ZDHHC20: variants seen among roughly 807,000 people sequenced by gnomAD.
ZDHHC20 encodes palmitoyltransferase ZDHHC20.
A neutral mutation model predicts 57.8 loss-of-function variants in ZDHHC20; 43 were observed. The observed-to-expected ratio is 0.74, with a 90% CI of 0.58 to 0.96. The LOEUF (loss-of-function observed/expected upper bound fraction) is 0.96. ZDHHC20 is among the 40% of genes least tolerant of loss of function. The pLI is 0.00. For missense variants in ZDHHC20, 391 were observed against 441.1 expected (o/e 0.89, Z 1.02); for synonymous variants, 157 against 153.0 (o/e 1.03, Z -0.19).
chr13:21,377,408 C>T (rs1872343077), intron 12 of ZDHHC20, among the ~76,000 whole-genome samples: 3 of 130,488 alleles, frequency 2.3e-5, no homozygotes, highest in Non-Finnish European at 4.7e-5. Context: ...TGACTCTGCC[C>T]GACGTGACCT....
At chr13:21,412,991 A>C (rs1252535228) in intron 4 of ZDHHC20, among the ~76,000 whole-genome samples, 3 of 136,478 alleles carry the variant, frequency 2.2e-5, no homozygotes, top group Non-Finnish European at 4.8e-5. Flanking sequence ...AAAAAAAAAA[A>C]CAATTTCCCA....
intron 1 of ZDHHC20, among the ~76,000 whole-genome samples, chr13:21,447,867 AG>A (rs1883928603): frequency 9.2e-6 from 1 of 109,210 alleles, no homozygotes. Context: ...CATCACATCT[AG>A]GAAGTGAGGA....
intron 3 of ZDHHC20, among the ~76,000 whole-genome samples, chr13:21,417,011 C>T (rs1229030238): frequency 1.3e-5 from 2 of 152,180 alleles, no homozygotes; most frequent in Non-Finnish European, 2.9e-5. Context: ...CTCTTCCTCA[C>T]CATTTCTTCA....
intron 1 of ZDHHC20, among the ~76,000 whole-genome samples, chr13:21,437,332 G>A (rs949302938): frequency 5.9e-5 from 9 of 152,212 alleles, no homozygotes; most frequent in Non-Finnish European, 1.0e-4. Flanking sequence ...AATTGATGAA[G>A]GTAGCTATAT....
intron 1 of ZDHHC20, among the ~76,000 whole-genome samples, chr13:21,451,156 G>A (rs970603205): frequency 1.3e-5 from 2 of 152,014 alleles, no homozygotes; most frequent in East Asian, 1.9e-4. Context: ...AAACCATGTC[G>A]GCATAATTTC....
chr13:21,378,765 T>TTA, intron 11 of ZDHHC20, 27 bp from the exon 12 acceptor site: 1 of 997,724 alleles, frequency 1.0e-6, no homozygotes, highest in East Asian at 3.1e-5. Flanking sequence ...ATATATGACA[T>TTA]GACAAAAAAA....
rs560202041 is a variant in ZDHHC20 at position 21,384,817 on chromosome 13, T to C, written c.855-1808A>G. Among the ~76,000 whole-genome samples the C allele has an allele frequency of 2.6e-5, 4 of 152,228 alleles. No individual in the cohort carries two copies. The East Asian group carries it at 7.7e-4, about 29-fold the overall frequency. Reference sequence around the variant, plus strand: ...AACGTAATAAAGCTTAAAACAAGCCTCAGGCCAAGTGCAGTAGTAATGCCT... The same window carrying C: ...AACGTAATAAAGCTTAAAACAAGCCCCAGGCCAAGTGCAGTAGTAATGCCT... On this transcript the variant is annotated intron_variant, in intron 9 of 12. Transcript: ENST00000400590.
intron 1 of ZDHHC20, among the ~76,000 whole-genome samples, chr13:21,448,299 G>A (rs1236390921): frequency 1.4e-4 from 11 of 80,190 alleles, no homozygotes; most frequent in Non-Finnish European, 2.1e-4. Context: ...CCGGCCAGCC[G>A]CCCCGTCCGG....
At chr13:21,394,624 A>G (rs1422460492) in intron 7 of ZDHHC20, among the ~76,000 whole-genome samples, 2 of 152,230 alleles carry the variant, frequency 1.3e-5, no homozygotes, top group Admixed American at 1.3e-4. Context: ...AATTAATCCA[A>G]AAAAGTTATT....
At chr13:21,407,441 GTC>G (rs1260390949) in intron 4 of ZDHHC20, among the ~76,000 whole-genome samples, 2 of 152,178 alleles carry the variant, frequency 1.3e-5, no homozygotes, top group Non-Finnish European at 2.9e-5. Flanking sequence ...TTTGAAAAGT[GTC>G]TGTTCATACC....
At chr13:21,444,453 GATT>G (rs1292329232) in intron 1 of ZDHHC20, among the ~76,000 whole-genome samples, 1 of 152,078 alleles carries the variant, frequency 6.6e-6, no homozygotes, top group Non-Finnish European at 1.5e-5. Context: ...TCTTCATTCA[GATT>G]ATGTCTCATA....
intron 1 of ZDHHC20, among the ~76,000 whole-genome samples, chr13:21,445,198 C>G (rs979778409): frequency 6.6e-6 from 1 of 151,894 alleles, no homozygotes; most frequent in Non-Finnish European, 1.5e-5. Flanking sequence ...TAATGAAAGG[C>G]CTGCAAATAG....
At chr13:21,426,513 T>C (rs762974729) in intron 1 of ZDHHC20, among the ~76,000 whole-genome samples, 3 of 152,182 alleles carry the variant, frequency 2.0e-5, no homozygotes, top group Non-Finnish European at 2.9e-5. Flanking sequence ...ACTTTCAGAA[T>C]GAAGTCCAAA....
intron 4 of ZDHHC20, chr13:21,404,296 T>G (rs781201097): frequency 2.0e-6 from 1 of 499,544 alleles, no homozygotes; most frequent in East Asian, 5.6e-5. Flanking sequence ...CGACTTCCCC[T>G]GTCCAGCTCA....
intron 2 of ZDHHC20, among the ~76,000 whole-genome samples, chr13:21,422,847 ACCAGCACAT>A (rs2137913333): frequency 6.6e-6 from 1 of 152,194 alleles, no homozygotes; most frequent in South Asian, 2.1e-4. Flanking sequence ...CAACCTCATG[ACCAGCACAT>A]CCTAGTAAAA....
chr13:21,448,629 T>C (rs1436093793), intron 1 of ZDHHC20, among the ~76,000 whole-genome samples: 1 of 94,134 alleles, frequency 1.1e-5, no homozygotes, highest in African/African-American at 3.3e-5. Context: ...GGCCGCCCCG[T>C]CCGGGAGGTG....
chr13:21,407,366 T>C (rs574173523), intron 4 of ZDHHC20, among the ~76,000 whole-genome samples: 44 of 152,374 alleles, frequency 2.9e-4, no homozygotes, highest in African/African-American at 9.1e-4. Flanking sequence ...TTGATTTGCA[T>C]TTCTCTAATG....
intron 1 of ZDHHC20, among the ~76,000 whole-genome samples, chr13:21,430,546 G>A (rs1158276607): frequency 1.3e-5 from 2 of 151,962 alleles, no homozygotes; most frequent in Admixed American, 1.3e-4. Context: ...AAGCAGGAGA[G>A]GTCTTAAGCT....
rs1157098663 is a variant in ZDHHC20 at position 21,374,401 on chromosome 13, T to C, written c.*2295A>G. ...CACCATGCCTGGACAGTTTTGGGGT[T>C]TTTTTGTATTTTTAGTGGAGACAGG... On this transcript the variant is annotated 3_prime_UTR_variant, in exon 13 of 13. Transcript: ENST00000400590. 2.2e-6 allele frequency: 1 copy of C among 455,802 alleles called. No homozygotes were observed. The highest frequency in any genetic ancestry group is 1.5e-5 in the South Asian group (1 of 64,538). The allele number at this position is 455,802 out of a possible 1,614,324, so 28.2% of individuals were successfully genotyped here.
Sources: gnomAD v4.1 joint callset for allele counts (sites outside exome capture counted in the v4.1 genomes callset) on GRCh38, gnomAD v4.1.1 for gene constraint, MANE v1.5 for transcripts, NCBI Gene and HGNC (gene_info 2026-07-23, HGNC 2026-07-21) for gene names.